EPHA5: variants seen among roughly 807,000 people sequenced by gnomAD.
EPHA5 encodes the protein ephrin type-A receptor 5.
EPHA5 carries 60 observed loss-of-function variants against 105.0 expected under a neutral mutation model. That is an observed-to-expected ratio of 0.57 (90% CI 0.46 to 0.71). The LOEUF is 0.71. Among genes scored for constraint, EPHA5 ranks in the 30% least tolerant of loss-of-function variants. The pLI, the probability that EPHA5 is intolerant of heterozygous loss-of-function variation, is 0.00. For missense variants in EPHA5, 1,218 were observed against 1,274.7 expected (o/e 0.96, Z 0.68); for synonymous variants, 513 against 449.1 (o/e 1.14, Z -1.80).
chr4:65,524,113 C>T (rs1030928954), intron 3 of EPHA5, among the ~76,000 whole-genome samples: 1 of 151,744 alleles, frequency 6.6e-6, no homozygotes, highest in African/African-American at 2.4e-5. Context: ...TTACTATATT[C>T]CTGATTGGCT....
Position 65,336,021 on chromosome 4 carries a change from G to A in EPHA5, c.2700C>T (p.Ser900=), listed in dbSNP as rs749996486. 6.8e-6 allele frequency: 11 copies of A among 1,613,192 alleles called. No homozygotes were observed. Among genetic ancestry groups the A allele is most frequent in the African/African-American group, 1.3e-5 (1 of 74,802 alleles). ...TGACTATTTCATCAAACTTGGGCCT[G>A]CTATTTCGCTCTTTCTGCCAGCAAT... ...MLDCWQKERN[S]RPKFDEIVNM... is the part of the protein sequence containing the mutation. Residue 900 remains serine (S), a synonymous_variant, in exon 15 of 17, where the codon AGC becomes AGT. Coordinates refer to ENST00000613740, the MANE Select transcript of EPHA5 (RefSeq NM_001281766.3).
intron 3 of EPHA5, among the ~76,000 whole-genome samples, chr4:65,593,896 T>A (rs1301470395): frequency 6.6e-6 from 1 of 152,206 alleles, no homozygotes; most frequent in Non-Finnish European, 1.5e-5. Flanking sequence ...GTTACTTTGT[T>A]TCTTATAATT....
Position 65,321,588 on chromosome 4 carries a change from A to T in EPHA5, c.*2526T>A, listed in dbSNP as rs1234589544. On this transcript the variant is annotated 3_prime_UTR_variant, in exon 17 of 17. Coordinates refer to ENST00000613740, the MANE Select transcript of EPHA5 (RefSeq NM_001281766.3). Reference sequence around the variant, plus strand: ...CTCAACCAAATTGAGATGCAAAAGAAAACTATGTGGCTATTTAACTTTCCT... The same window carrying T: ...CTCAACCAAATTGAGATGCAAAAGATAACTATGTGGCTATTTAACTTTCCT... 1 of 229,376 alleles carries T rather than the reference A, an allele frequency of 4.4e-6. No homozygotes were observed. Among genetic ancestry groups the T allele is most frequent in the Non-Finnish European group, 8.7e-6 (1 of 115,594 alleles). The allele number at this position is 229,376 out of a possible 1,614,324, so 14.2% of individuals were successfully genotyped here.
At chr4:65,515,868 CT>C (rs1320796727) in intron 3 of EPHA5, among the ~76,000 whole-genome samples, 6 of 152,098 alleles carry the variant, frequency 3.9e-5, no homozygotes, top group Non-Finnish European at 8.8e-5. Flanking sequence ...TCCTTTGAGG[CT>C]CTGAATAGAA....
chr4:65,653,028 A>G (rs966592486), intron 1 of EPHA5, among the ~76,000 whole-genome samples: 1 of 152,130 alleles, frequency 6.6e-6, no homozygotes, highest in Non-Finnish European at 1.5e-5. Context: ...AAAAAAATGT[A>G]AGCAAAGCTG....
chr4:65,458,881 G>A (rs1300931110), intron 5 of EPHA5, among the ~76,000 whole-genome samples: 3 of 151,992 alleles, frequency 2.0e-5, no homozygotes, highest in Non-Finnish European at 2.9e-5. Context: ...AATTTGAGAT[G>A]AATATCGTCA....
At chr4:65,554,942 C>T (rs999914145) in intron 3 of EPHA5, among the ~76,000 whole-genome samples, 1 of 125,708 alleles carries the variant, frequency 8.0e-6, no homozygotes, top group Non-Finnish European at 1.6e-5. Flanking sequence ...GAATTCACTT[C>T]TAGCTATAAA....
chr4:65,566,731 C>T (rs1477878354), intron 3 of EPHA5, among the ~76,000 whole-genome samples: 3 of 151,860 alleles, frequency 2.0e-5, no homozygotes, highest in South Asian at 2.1e-4. Context: ...TTATGCCACT[C>T]ATGTTTAACA....
At chr4:65,411,894 C>G (rs192117270) in intron 7 of EPHA5, among the ~76,000 whole-genome samples, 7 of 152,192 alleles carry the variant, frequency 4.6e-5, no homozygotes, top group Admixed American at 4.6e-4. Context: ...AAAAGAAACC[C>G]TTTGATGGCT....
chr4:65,510,263 T>G (rs1267197361), intron 3 of EPHA5, among the ~76,000 whole-genome samples: 1 of 151,662 alleles, frequency 6.6e-6, no homozygotes, highest in Non-Finnish European at 1.5e-5. Flanking sequence ...CAGGCTGGTC[T>G]CGAACTCCCA....
intron 2 of EPHA5, among the ~76,000 whole-genome samples, chr4:65,610,085 C>G: frequency 6.6e-6 from 1 of 151,876 alleles, no homozygotes; most frequent in East Asian, 1.9e-4. Flanking sequence ...AGGAATCAAC[C>G]AAGATGCCCA....
chr4:65,557,259 T>TA (rs1560693532), intron 3 of EPHA5, among the ~76,000 whole-genome samples: 6 of 142,366 alleles, frequency 4.2e-5, no homozygotes, highest in East Asian at 2.0e-4. Flanking sequence ...TATATATATA[T>TA]TCTCACACTT....
At chr4:65,389,874 CAG>C (rs1415664173) in intron 8 of EPHA5, among the ~76,000 whole-genome samples, 3 of 151,926 alleles carry the variant, frequency 2.0e-5, no homozygotes, top group Non-Finnish European at 4.4e-5. Flanking sequence ...ACTTGGGAAA[CAG>C]AGGTTTTCCC....
chr4:65,413,704 A>G (rs1234512969), intron 7 of EPHA5, among the ~76,000 whole-genome samples: 1 of 152,188 alleles, frequency 6.6e-6, no homozygotes, highest in Non-Finnish European at 1.5e-5. Flanking sequence ...AGGGCAAGTA[A>G]GTAACATAAA....
chr4:65,435,981 A>T (rs1725441022), intron 5 of EPHA5, among the ~76,000 whole-genome samples: 1 of 152,092 alleles, frequency 6.6e-6, no homozygotes, highest in South Asian at 2.1e-4. Flanking sequence ...ATAATGTTAC[A>T]GTTAAATTAC....
chr4:65,570,892 A>C (rs1740096255), intron 3 of EPHA5, among the ~76,000 whole-genome samples: 1 of 152,032 alleles, frequency 6.6e-6, no homozygotes, highest in Non-Finnish European at 1.5e-5. Flanking sequence ...GGAAGATAGC[A>C]ATGGAGATTA....
intron 8 of EPHA5, among the ~76,000 whole-genome samples, chr4:65,394,847 ACT>A (rs1225140897): frequency 3.3e-5 from 5 of 152,218 alleles, no homozygotes; most frequent in African/African-American, 1.2e-4. Context: ...ATAATGATAT[ACT>A]TATCATTATT....
chr4:65,608,809 C>T (rs372370174), intron 2 of EPHA5, among the ~76,000 whole-genome samples: 72 of 152,236 alleles, frequency 4.7e-4, no homozygotes, highest in African/African-American at 1.7e-3. Context: ...ACTGAGGCCA[C>T]AAACAACTGG....
At chr4:65,366,785 A>G (rs1195442924) in intron 9 of EPHA5, among the ~76,000 whole-genome samples, 1 of 151,976 alleles carries the variant, frequency 6.6e-6, no homozygotes, top group Non-Finnish European at 1.5e-5. Context: ...ATCAATTCAC[A>G]TTGCACCATT....
Sources: gnomAD v4.1 joint callset for allele counts (sites outside exome capture counted in the v4.1 genomes callset) on GRCh38, gnomAD v4.1.1 for gene constraint, MANE v1.5 for transcripts, NCBI Gene and HGNC (gene_info 2026-07-23, HGNC 2026-07-21) for gene names.